C4orf51: variants seen among roughly 807,000 people sequenced by gnomAD.
C4orf51 encodes the protein uncharacterized protein C4orf51.
In C4orf51, 25 loss-of-function variants were observed where a neutral mutation model predicts 25.2. The observed-to-expected ratio is 0.99, with a 90% CI of 0.72 to 1.39. C4orf51 has a LOEUF of 1.39. Ranked by LOEUF, C4orf51 falls within the 40% of genes most tolerant of loss-of-function variation. The pLI, the probability that C4orf51 is intolerant of heterozygous loss-of-function variation, is 0.00. For synonymous variants in C4orf51, 100 were observed against 84.5 expected (o/e 1.18, Z -1.01); for missense variants, 252 against 239.6 (o/e 1.05, Z -0.34).
intron 1 of C4orf51, among the ~76,000 whole-genome samples, chr4:145,683,708 C>G (rs919009395): frequency 6.6e-6 from 1 of 152,298 alleles, no homozygotes; most frequent in South Asian, 2.1e-4. Flanking sequence ...AAAAAATTAA[C>G]TAAGACACAG....
rs186334613 is a variant in C4orf51 at position 145,722,098 on chromosome 4, A to G, written c.308-4813A>G. On this transcript the variant is annotated intron_variant, in intron 2 of 5. Coordinates refer to ENST00000438731, the MANE Select transcript of C4orf51 (RefSeq NM_001080531.3). The stretch of plus-strand genomic sequence containing the variant: ...GGAGGGCACGAATAAAAAGACAGAT[A>G]AATGGACTGCCTTATTCTTTTGTTC... Among the ~76,000 whole-genome samples the G allele has an allele frequency of 7.2e-5, 11 of 152,340 alleles. No individual in the cohort carries two copies. In the East Asian group the frequency reaches 1.9e-3, roughly 27 times the overall value.
intron 1 of C4orf51, among the ~76,000 whole-genome samples, chr4:145,743,726 C>T (rs1268396702): frequency 6.6e-6 from 1 of 152,196 alleles, no homozygotes; most frequent in East Asian, 1.9e-4. Flanking sequence ...GTCTCCTTGA[C>T]AGGGATTTGA....
chr4:145,691,720 A>T (rs908637719), intron 1 of C4orf51, among the ~76,000 whole-genome samples: 1 of 152,188 alleles, frequency 6.6e-6, no homozygotes, highest in Admixed American at 6.5e-5. Context: ...TATAAGTGGG[A>T]GCTAAACAGT....
downstream of C4orf51, among the ~76,000 whole-genome samples, chr4:145,736,939 C>T (rs765003110): frequency 2.6e-5 from 4 of 152,146 alleles, no homozygotes; most frequent in Non-Finnish European, 5.9e-5. Context: ...CCCTGCCACA[C>T]CCTGGCGGCG....
the C4orf51 span, among the ~76,000 whole-genome samples, chr4:145,779,904 T>C: frequency 1.3e-5 from 2 of 152,180 alleles, no homozygotes; most frequent in Non-Finnish European, 2.9e-5. Flanking sequence ...AAATAAAGAA[T>C]TGTAGGCTGG....
At chr4:145,753,705 T>C (rs1033004587) in intron 1 of C4orf51, among the ~76,000 whole-genome samples, 1 of 152,178 alleles carries the variant, frequency 6.6e-6, no homozygotes, top group Non-Finnish European at 1.5e-5. Context: ...GCCTTTTGCT[T>C]GGGCTTGAGG....
intron 1 of C4orf51, chr4:145,760,720 GTTT>G (rs10715391): frequency 9.4e-3 from 6,511 of 693,074 alleles, no homozygotes; most frequent in Non-Finnish European, 0.01. Context: ...AAGTTTTGTG[GTTT>G]TTTTTTTTTT....
intron 1 of C4orf51, among the ~76,000 whole-genome samples, chr4:145,694,185 C>T (rs1213801156): frequency 6.1e-5 from 9 of 146,428 alleles, no homozygotes; most frequent in Non-Finnish European, 9.0e-5. Context: ...CGGGCAGAGA[C>T]GCTCCTCACT....
At chr4:145,785,519 C>T in the C4orf51 span, among the ~76,000 whole-genome samples, 3 of 152,146 alleles carry the variant, frequency 2.0e-5, no homozygotes, top group Admixed American at 6.5e-5. Context: ...TATTCCAGGA[C>T]CTCTCCTGCC....
chr4:145,703,202 G>A (rs924932849), intron 2 of C4orf51, among the ~76,000 whole-genome samples: 7 of 151,366 alleles, frequency 4.6e-5, no homozygotes, highest in African/African-American at 1.5e-4. Context: ...CACAAAACAA[G>A]TGTAAATGGC....
intron 1 of C4orf51, chr4:145,760,737 T>C: frequency 1.2e-6 from 1 of 814,722 alleles, no homozygotes; most frequent in Non-Finnish European, 1.4e-6. Flanking sequence ...TTTTTTTTTT[T>C]GTCTTTTGTC....
chr4:145,724,051 A>G (rs1236885834), intron 2 of C4orf51, among the ~76,000 whole-genome samples: 1 of 152,228 alleles, frequency 6.6e-6, no homozygotes, highest in East Asian at 1.9e-4. Context: ...TCTAGCACAA[A>G]TTCTAATGCC....
rs192877099 is a variant in C4orf51 at position 145,704,179 on chromosome 4, T to G, written c.307+7547T>G. Among the ~76,000 whole-genome samples the G allele has an allele frequency of 2.4e-3, 360 of 152,294 alleles. 2 individuals carry two copies. Among genetic ancestry groups the G allele is most frequent in the African/African-American group, 8.3e-3 (346 of 41,556 alleles). On this transcript the variant is annotated intron_variant, in intron 2 of 5. Transcript: ENST00000438731. ...TAGATGAAGCCTCCCTCAGAGAGAA[T>G]AGATGGTAAATGTTTCTTTTCAGAT... is the stretch of plus-strand genomic sequence containing the variant.
At chr4:145,726,595 G>A (rs942738030) in intron 2 of C4orf51, among the ~76,000 whole-genome samples, 1 of 151,942 alleles carries the variant, frequency 6.6e-6, no homozygotes, top group Non-Finnish European at 1.5e-5. Flanking sequence ...TTGTAGAGAC[G>A]GGGGTCTCCC....
chr4:145,680,611 T>C (rs1728777892), intron 1 of C4orf51, among the ~76,000 whole-genome samples, 175 bp downstream of exon 1: 1 of 152,234 alleles, frequency 6.6e-6, no homozygotes, highest in African/African-American at 2.4e-5. Context: ...GCTGAAATTA[T>C]GATCCTATTC....
chr4:145,772,545 T>C (rs1736444319), downstream of C4orf51, among the ~76,000 whole-genome samples: 2 of 152,214 alleles, frequency 1.3e-5, no homozygotes, highest in Non-Finnish European at 2.9e-5. Context: ...TATTGGAACA[T>C]GGCCATGCCC....
intron 1 of C4orf51, among the ~76,000 whole-genome samples, chr4:145,742,532 G>GTTTTTTTTTTTTTTTTT (rs141147414): frequency 6.7e-5 from 7 of 104,990 alleles, no homozygotes; most frequent in South Asian, 2.7e-4. Flanking sequence ...TCTTTTTCTT[G>GTTTTTTTTTTTTTTTTT]TTTTTTTTTT....
At chr4:145,751,793 A>G (rs1462506412) in intron 1 of C4orf51, among the ~76,000 whole-genome samples, 1 of 152,160 alleles carries the variant, frequency 6.6e-6, no homozygotes, top group Non-Finnish European at 1.5e-5. Context: ...TGGAGTCAAA[A>G]ACTTTAGAAA....
chr4:145,785,094 G>A, the C4orf51 span, among the ~76,000 whole-genome samples: 1 of 152,168 alleles, frequency 6.6e-6, no homozygotes, highest in African/African-American at 2.4e-5. Context: ...AAATAGGTGT[G>A]TAGGATTAAG....
Sources: allele counts gnomAD v4.1 joint callset (sites outside exome capture counted in the v4.1 genomes callset), GRCh38; gene constraint gnomAD v4.1.1; transcripts MANE v1.5; gene names NCBI Gene and HGNC (gene_info 2026-07-23, HGNC 2026-07-21).